The following CDH13 variants were observed in gnomAD, a reference collection of about 807,000 sequenced individuals.
CDH13 encodes cadherin 13, also known as cadherin-13.
In CDH13, 24 loss-of-function variants were observed where a neutral mutation model predicts 63.8. The ratio of observed to expected loss-of-function variants is 0.38; its 90% confidence interval spans 0.27 to 0.53. The LOEUF (loss-of-function observed/expected upper bound fraction) is 0.53, where lower values mean the gene tolerates loss of function less well. Ranked by LOEUF, CDH13 falls within the 20% of genes least tolerant of loss-of-function variation. The pLI is 0.85. For synonymous variants in CDH13, 503 were observed against 355.3 expected (o/e 1.42, Z -4.67); for missense variants, 1,049 against 903.1 (o/e 1.16, Z -2.07).
intron 4 of CDH13, among the ~76,000 whole-genome samples, chr16:83,198,420 A>C (rs1396719943): frequency 3.3e-5 from 5 of 152,180 alleles, no homozygotes; most frequent in Non-Finnish European, 7.3e-5. Flanking sequence ...AACAATTTGC[A>C]GCTGAAGACA....
intron 6 of CDH13, among the ~76,000 whole-genome samples, chr16:83,459,345 A>C (rs2073112891): frequency 6.6e-6 from 1 of 152,226 alleles, no homozygotes; most frequent in African/African-American, 2.4e-5. Flanking sequence ...AAACGTGATT[A>C]AATTATCGGA....
chr16:82,749,055 T>A (rs2034302359), intron 1 of CDH13, among the ~76,000 whole-genome samples: 1 of 151,938 alleles, frequency 6.6e-6, no homozygotes, highest in East Asian at 1.9e-4. Context: ...GAAATATGAG[T>A]TCCAAAGACA....
intron 2 of CDH13, among the ~76,000 whole-genome samples, chr16:82,903,401 C>G (rs1390155889): frequency 6.6e-6 from 1 of 152,210 alleles, no homozygotes; most frequent in Non-Finnish European, 1.5e-5. Flanking sequence ...ATTGCTTTGC[C>G]TACCCGCAGT....
At chr16:83,715,314 T>C (rs1345930309) in intron 10 of CDH13, among the ~76,000 whole-genome samples, 2 of 152,212 alleles carry the variant, frequency 1.3e-5, no homozygotes, top group Non-Finnish European at 2.9e-5. Context: ...GGATAATGCT[T>C]CATTCACAGC....
intron 2 of CDH13, among the ~76,000 whole-genome samples, chr16:82,966,101 T>G (rs1007737812): frequency 7.9e-5 from 12 of 152,204 alleles, no homozygotes; most frequent in Admixed American, 2.6e-4. Context: ...GTAACTACGT[T>G]GTCTTTACAT....
At chr16:83,228,272 C>T (rs1032616607) in intron 5 of CDH13, among the ~76,000 whole-genome samples, 6 of 152,232 alleles carry the variant, frequency 3.9e-5, no homozygotes, top group Admixed American at 6.5e-5. Context: ...GCTCCACATC[C>T]TGCTGTGCAC....
At chr16:83,154,580 A>C (rs2037129124) in intron 4 of CDH13, among the ~76,000 whole-genome samples, 1 of 150,976 alleles carries the variant, frequency 6.6e-6, no homozygotes, top group South Asian at 2.1e-4. Context: ...AAAAAAAAAA[A>C]TTGTATCTTT....
intron 1 of CDH13, among the ~76,000 whole-genome samples, chr16:82,697,739 TTGTGTGTGTGTGTG>T (rs56791322): frequency 0.018 from 2,614 of 146,648 alleles, 57 homozygotes; most frequent in Middle Eastern, 0.073. Context: ...GGCCGAGGCA[TTGTGTGTGTGTGTG>T]TGTGTGTGTG....
intron 4 of CDH13, chr16:83,171,434 C>T: frequency 8.9e-7 from 1 of 1,129,414 alleles, no homozygotes; most frequent in East Asian, 2.6e-5. Flanking sequence ...TGGGTGAGGA[C>T]ACAGATCCAA....
At chr16:82,887,910 G>A (rs558887519) in intron 2 of CDH13, among the ~76,000 whole-genome samples, 67 of 152,228 alleles carry the variant, frequency 4.4e-4, no homozygotes, top group African/African-American at 1.5e-3. Flanking sequence ...GGTTAAGAAC[G>A]TGTTGAAAAC....
At chr16:83,675,304 T>C (rs750478596) in intron 9 of CDH13, among the ~76,000 whole-genome samples, 2 of 152,180 alleles carry the variant, frequency 1.3e-5, no homozygotes, top group Non-Finnish European at 2.9e-5. Context: ...ATCATACAGC[T>C]GGAGTTAGTA....
At chr16:83,265,669 A>C (rs1428926508) in intron 5 of CDH13, among the ~76,000 whole-genome samples, 1 of 121,752 alleles carries the variant, frequency 8.2e-6, no homozygotes, top group Non-Finnish European at 1.7e-5. Flanking sequence ...CAAGAATATC[A>C]TTTACAGGTG....
chr16:82,749,092 A>AT (rs11380532), intron 1 of CDH13, among the ~76,000 whole-genome samples: 2,236 of 151,326 alleles, frequency 0.015, 51 homozygotes, highest in African/African-American at 0.052. Flanking sequence ...GTGGGGTCCA[A>AT]TTTTTTTTTC....
chr16:83,135,165 A>T (rs1466877413), intron 4 of CDH13, among the ~76,000 whole-genome samples: 1 of 152,212 alleles, frequency 6.6e-6, no homozygotes, highest in Non-Finnish European at 1.5e-5. Flanking sequence ...AGTTTTTACA[A>T]CAGCCCTATA....
At chr16:82,880,317 A>C (rs2040655462) in intron 2 of CDH13, among the ~76,000 whole-genome samples, 1 of 152,062 alleles carries the variant, frequency 6.6e-6, no homozygotes, top group Non-Finnish European at 1.5e-5. Context: ...GAAGGTTTTT[A>C]GTTTCTTATT....
At chr16:83,686,597 A>G (rs76481247) in intron 10 of CDH13, among the ~76,000 whole-genome samples, 2,228 of 152,368 alleles carry the variant, frequency 0.015, 27 homozygotes, top group Non-Finnish European at 0.024. Flanking sequence ...CCTTGCAAGA[A>G]CGGTGGATAA....
At chr16:82,748,229 A>G (rs2034263719) in intron 1 of CDH13, among the ~76,000 whole-genome samples, 1 of 152,198 alleles carries the variant, frequency 6.6e-6, no homozygotes, top group Admixed American at 6.5e-5. Flanking sequence ...AAGAGGCTGG[A>G]TCCACAAACC....
chr16:83,292,664 C>G (rs370564939), intron 5 of CDH13, among the ~76,000 whole-genome samples: 1 of 152,170 alleles, frequency 6.6e-6, no homozygotes, highest in South Asian at 2.1e-4. Flanking sequence ...AAAATGATTA[C>G]AAATATTTGA....
intron 3 of CDH13, among the ~76,000 whole-genome samples, chr16:83,035,945 G>T (rs924130486): frequency 1.3e-5 from 2 of 152,028 alleles, no homozygotes; most frequent in Admixed American, 6.6e-5. Context: ...CTAAACCCTG[G>T]GTTTATTCAA....
Sources: gnomAD v4.1 joint callset for allele counts (sites outside exome capture counted in the v4.1 genomes callset) on GRCh38, gnomAD v4.1.1 for gene constraint, MANE v1.5 for transcripts, NCBI Gene and HGNC (gene_info 2026-07-23, HGNC 2026-07-21) for gene names.